ST6GALNAC3: variants seen among roughly 807,000 people sequenced by gnomAD.
ST6GALNAC3 encodes the protein alpha-N-acetylgalactosaminide alpha-2,6-sialyltransferase 3.
ST6GALNAC3 carries 25 observed loss-of-function variants against 32.7 expected under a neutral mutation model. The observed-to-expected ratio is 0.76, with a 90% CI of 0.56 to 1.07. The LOEUF (loss-of-function observed/expected upper bound fraction) is 1.07. Ranked by LOEUF, ST6GALNAC3 falls within the 50% of genes least tolerant of loss-of-function variation. ST6GALNAC3 has a pLI of 0.00. For missense variants in ST6GALNAC3, 355 were observed against 382.4 expected (o/e 0.93, Z 0.60); for synonymous variants, 129 against 133.1 (o/e 0.97, Z 0.21).
Position 76,628,845 on chromosome 1 carries a change from TC to T in ST6GALNAC3, c.*43del, listed in dbSNP as rs752120441. The T allele has an allele frequency of 1.9e-6, 3 of 1,601,352 alleles. No homozygotes were observed. The Admixed American group carries it at 5.3e-5, about 28-fold the overall frequency. Reference sequence around the variant, plus strand: ...GATCTTGCCGCATCACTTAATGTGATCCCCATACTGCAACTGTGATGCTGAT... The same window carrying T: ...GATCTTGCCGCATCACTTAATGTGATCCCATACTGCAACTGTGATGCTGAT... On this transcript the variant is annotated 3_prime_UTR_variant, in exon 5 of 5. Transcript: ENST00000328299.
intron 2 of ST6GALNAC3, among the ~76,000 whole-genome samples, chr1:76,344,606 A>C (rs1044312799): frequency 6.6e-6 from 1 of 152,200 alleles, no homozygotes; most frequent in African/African-American, 2.4e-5. Context: ...TACTCAATGA[A>C]TATGATTCCT....
intron 3 of ST6GALNAC3, among the ~76,000 whole-genome samples, chr1:76,459,517 T>C (rs1658127643): frequency 6.6e-6 from 1 of 151,382 alleles, no homozygotes; most frequent in Non-Finnish European, 1.5e-5. Flanking sequence ...TGAGTGGAGA[T>C]TGCTCCACTG....
intron 2 of ST6GALNAC3, among the ~76,000 whole-genome samples, chr1:76,331,347 T>C (rs917181958): frequency 6.6e-6 from 1 of 152,164 alleles, no homozygotes; most frequent in African/African-American, 2.4e-5. Flanking sequence ...GATAAACAAA[T>C]GTCCAGAGGA....
chr1:76,228,129 A>G (rs1656177261), intron 1 of ST6GALNAC3, among the ~76,000 whole-genome samples: 1 of 152,216 alleles, frequency 6.6e-6, no homozygotes, highest in South Asian at 2.1e-4. Context: ...TCTGCTCTAG[A>G]CTAGGATAAA....
At chr1:76,592,493 A>C (rs1213948347) in intron 3 of ST6GALNAC3, among the ~76,000 whole-genome samples, 1 of 152,158 alleles carries the variant, frequency 6.6e-6, no homozygotes, top group Non-Finnish European at 1.5e-5. Flanking sequence ...TGTATGCATG[A>C]GGGAACTGTC....
intron 1 of ST6GALNAC3, among the ~76,000 whole-genome samples, chr1:76,305,054 C>T (rs940790796): frequency 1.1e-4 from 16 of 152,000 alleles, no homozygotes; most frequent in African/African-American, 3.6e-4. Context: ...ACAGAATGCC[C>T]GGCGCACAGG....
At chr1:76,093,726 AG>A (rs1647082915) in intron 1 of ST6GALNAC3, among the ~76,000 whole-genome samples, 1 of 152,242 alleles carries the variant, frequency 6.6e-6, no homozygotes, top group Non-Finnish European at 1.5e-5. Flanking sequence ...ACAACGCCAG[AG>A]GAATCTGCAA....
intron 1 of ST6GALNAC3, among the ~76,000 whole-genome samples, chr1:76,080,114 C>T (rs745989985): frequency 2.0e-5 from 3 of 152,072 alleles, no homozygotes; most frequent in African/African-American, 4.8e-5. Flanking sequence ...TAAAAGTATG[C>T]GAGGAGTTTG....
intron 1 of ST6GALNAC3, among the ~76,000 whole-genome samples, chr1:76,194,847 A>G (rs1221315554): frequency 1.3e-5 from 2 of 152,212 alleles, no homozygotes; most frequent in Non-Finnish European, 2.9e-5. Context: ...AAACGGAATC[A>G]ATGAACTTTT....
intron 3 of ST6GALNAC3, among the ~76,000 whole-genome samples, chr1:76,438,421 G>A (rs1246465917): frequency 6.6e-6 from 1 of 152,076 alleles, no homozygotes; most frequent in East Asian, 1.9e-4. Flanking sequence ...TTACAGGCGT[G>A]AGCCACCCCG....
rs560059239 is a variant in ST6GALNAC3, at chr1:76,118,767, T to C, written c.18+43883T>C. 2.0e-5 allele frequency among the ~76,000 whole-genome samples: 3 copies of C among 152,354 alleles called. No homozygotes were observed. The South Asian group carries it at 6.2e-4, about 32-fold the overall frequency. On this transcript the variant is annotated intron_variant, in intron 1 of 4. Coordinates refer to ENST00000328299, the MANE Select transcript of ST6GALNAC3 (RefSeq NM_152996.4). ...TTTCTATAAGGATTCTCATTTCCTG[T>C]GCACATTCCTTTTTTATGTGAATAC...
intron 3 of ST6GALNAC3, among the ~76,000 whole-genome samples, chr1:76,464,097 A>G (rs1275541334): frequency 6.6e-6 from 1 of 151,864 alleles, no homozygotes; most frequent in East Asian, 1.9e-4. Flanking sequence ...GTTTTGCTAT[A>G]CCCTCACCAC....
intron 3 of ST6GALNAC3, among the ~76,000 whole-genome samples, chr1:76,622,186 T>C (rs1397559340): frequency 6.6e-6 from 1 of 151,984 alleles, no homozygotes; most frequent in Non-Finnish European, 1.5e-5. Context: ...AAAGGAACCA[T>C]TTCATGAAAG....
At chr1:76,100,396 C>T (rs1253028326) in intron 1 of ST6GALNAC3, among the ~76,000 whole-genome samples, 2 of 152,088 alleles carry the variant, frequency 1.3e-5, no homozygotes. Flanking sequence ...AAGTTTTATT[C>T]ATTAATGGAT....
chr1:76,409,724 GC>G (rs1654084551), intron 2 of ST6GALNAC3, among the ~76,000 whole-genome samples: 1 of 151,956 alleles, frequency 6.6e-6, no homozygotes, highest in South Asian at 2.1e-4. Context: ...AATATAAATG[GC>G]ATTTCTCAAC....
At chr1:76,605,624 A>G (rs1284220333) in intron 3 of ST6GALNAC3, among the ~76,000 whole-genome samples, 1 of 152,054 alleles carries the variant, frequency 6.6e-6, no homozygotes, top group Admixed American at 6.6e-5. Context: ...CAGCACTTTC[A>G]GAGGCCAAGG....
chr1:76,229,427 A>G (rs1298396120), intron 1 of ST6GALNAC3, among the ~76,000 whole-genome samples: 1 of 152,034 alleles, frequency 6.6e-6, no homozygotes, highest in Non-Finnish European at 1.5e-5. Flanking sequence ...CATAACCTTT[A>G]ATTAGGGCAC....
intron 1 of ST6GALNAC3, among the ~76,000 whole-genome samples, chr1:76,279,373 G>A (rs75540273): frequency 6.6e-6 from 1 of 152,224 alleles, no homozygotes; most frequent in Non-Finnish European, 1.5e-5. Context: ...GTGTTCTTTG[G>A]TAAGAAAATT....
intron 2 of ST6GALNAC3, among the ~76,000 whole-genome samples, chr1:76,404,465 CA>C (rs1386815801): frequency 2.0e-5 from 3 of 152,028 alleles, no homozygotes; most frequent in Non-Finnish European, 2.9e-5. Flanking sequence ...AATTAAAATA[CA>C]TTTTTTTATC....
Sources: allele counts gnomAD v4.1 joint callset (sites outside exome capture counted in the v4.1 genomes callset), GRCh38; gene constraint gnomAD v4.1.1; transcripts MANE v1.5; gene names NCBI Gene and HGNC (gene_info 2026-07-23, HGNC 2026-07-21).